Variants in THSD4 observed in about 807,000 individuals in gnomAD.
THSD4 encodes the protein thrombospondin type 1 domain containing 4, also known as thrombospondin type-1 domain-containing protein 4.
In THSD4, 69 loss-of-function variants were observed where a neutral mutation model predicts 119.0. The ratio of observed to expected loss-of-function variants is 0.58; its 90% CI spans 0.48 to 0.71. The LOEUF is 0.71. Among genes scored for constraint, THSD4 ranks in the 30% least tolerant of loss-of-function variants. THSD4 has a pLI of 0.00. For synonymous variants in THSD4, 524 were observed against 540.4 expected (o/e 0.97, Z 0.42); for missense variants, 1,393 against 1,391.1 (o/e 1.00, Z -0.02).
chr15:71,425,860 C>A (rs959373547), intron 7 of THSD4, among the ~76,000 whole-genome samples: 4 of 152,156 alleles, frequency 2.6e-5, no homozygotes, highest in African/African-American at 9.7e-5. Flanking sequence ...GGAGATGAAG[C>A]CCCCTTGGCC....
At chr15:71,691,490 G>A (rs974989696) in intron 8 of THSD4, among the ~76,000 whole-genome samples, 4 of 152,214 alleles carry the variant, frequency 2.6e-5, no homozygotes, top group African/African-American at 9.7e-5. Flanking sequence ...GAGCACAGAC[G>A]TTGGATCGAG....
At chr15:71,112,032 G>A (rs535029069), upstream of THSD4, 174 of 1,461,416 alleles carry the variant, frequency 1.2e-4, 2 homozygotes, top group South Asian at 1.8e-3. Flanking sequence ...GTCCTGCATT[G>A]CCTTCCTGTA....
At chr15:71,669,335 G>A (rs975469639) in intron 8 of THSD4, among the ~76,000 whole-genome samples, 21 of 151,952 alleles carry the variant, frequency 1.4e-4, no homozygotes, top group Non-Finnish European at 4.4e-5. Flanking sequence ...ACCATTTTTG[G>A]TGATGTCTAT....
At chr15:71,160,855 G>C (rs930911033) in intron 3 of THSD4, among the ~76,000 whole-genome samples, 6 of 150,078 alleles carry the variant, frequency 4.0e-5, no homozygotes, top group African/African-American at 1.2e-4. Flanking sequence ...GGTTTAGTTT[G>C]TTCTTGAGGT....
intron 7 of THSD4, among the ~76,000 whole-genome samples, chr15:71,598,046 G>C (rs146191486): frequency 6.6e-6 from 1 of 152,046 alleles, no homozygotes; most frequent in Non-Finnish European, 1.5e-5. Context: ...AGGCTTTCAG[G>C]GGAACAAGAA....
At chr15:71,375,396 G>A (rs1349962459) in intron 6 of THSD4, among the ~76,000 whole-genome samples, 4 of 152,120 alleles carry the variant, frequency 2.6e-5, no homozygotes, top group Non-Finnish European at 5.9e-5. Context: ...TGGATGCTCT[G>A]GTTCTGTGTT....
intron 3 of THSD4, among the ~76,000 whole-genome samples, chr15:71,188,614 G>T (rs1360689122): frequency 6.6e-6 from 1 of 152,100 alleles, no homozygotes; most frequent in Non-Finnish European, 1.5e-5. Context: ...CATGCTGCCT[G>T]CCCCTCTCCC....
intron 7 of THSD4, among the ~76,000 whole-genome samples, chr15:71,494,566 C>T (rs7181587): frequency 0.23 from 34,658 of 151,126 alleles, 4,174 homozygotes; most frequent in African/African-American, 0.29. Flanking sequence ...CGCCACCACA[C>T]GATGGACCCC....
chr15:71,138,799 C>T (rs1296419845), intron 1 of THSD4, among the ~76,000 whole-genome samples: 26 of 151,960 alleles, frequency 1.7e-4, no homozygotes, highest in Admixed American at 1.7e-3. Flanking sequence ...TATTTTTATA[C>T]TTATTTATGA....
At chr15:71,592,517 A>T (rs992292320) in intron 7 of THSD4, among the ~76,000 whole-genome samples, 2 of 152,126 alleles carry the variant, frequency 1.3e-5, no homozygotes, top group South Asian at 2.1e-4. Flanking sequence ...CCTCCTGGGT[A>T]GTTGGGTTCT....
At chr15:71,647,439 C>T (rs2050992710) in intron 7 of THSD4, among the ~76,000 whole-genome samples, 1 of 152,136 alleles carries the variant, frequency 6.6e-6, no homozygotes, top group Non-Finnish European at 1.5e-5. Context: ...AACATTTCAG[C>T]CAAATTTCTT....
At chr15:71,567,141 G>A (rs748803714) in intron 7 of THSD4, among the ~76,000 whole-genome samples, 4 of 152,128 alleles carry the variant, frequency 2.6e-5, no homozygotes, top group African/African-American at 4.8e-5. Flanking sequence ...AACTGCCCTC[G>A]ACTGTACTGG....
At chr15:71,675,351 T>C (rs1205295035) in intron 8 of THSD4, among the ~76,000 whole-genome samples, 1 of 152,234 alleles carries the variant, frequency 6.6e-6, no homozygotes, top group Non-Finnish European at 1.5e-5. Flanking sequence ...GGTACTTAAA[T>C]ATATTTTACT....
At chr15:71,524,385 G>T (rs1204223968) in intron 7 of THSD4, among the ~76,000 whole-genome samples, 1 of 152,142 alleles carries the variant, frequency 6.6e-6, no homozygotes, top group Non-Finnish European at 1.5e-5. Flanking sequence ...AGAAGCTGTT[G>T]CTTTAGAGCA....
upstream of THSD4, chr15:71,112,274 A>G (rs2040311174): frequency 1.3e-6 from 2 of 1,542,914 alleles, no homozygotes; most frequent in Non-Finnish European, 8.7e-7. Flanking sequence ...AGGATGTCGT[A>G]TGCATCATTT....
At chr15:71,705,411 A>C (rs899411127) in intron 8 of THSD4, among the ~76,000 whole-genome samples, 1 of 152,236 alleles carries the variant, frequency 6.6e-6, no homozygotes, top group African/African-American at 2.4e-5. Context: ...TCTATTGTTA[A>C]TGAAGTATTG....
intron 7 of THSD4, among the ~76,000 whole-genome samples, chr15:71,431,125 G>C (rs972364137): frequency 3.3e-5 from 5 of 152,180 alleles, no homozygotes; most frequent in African/African-American, 1.2e-4. Flanking sequence ...ATACCCAATT[G>C]CTGTAAACTT....
intron 8 of THSD4, among the ~76,000 whole-genome samples, chr15:71,685,597 C>G (rs1448583155): frequency 6.6e-6 from 1 of 152,048 alleles, no homozygotes; most frequent in Non-Finnish European, 1.5e-5. Context: ...ATCTGCTTCT[C>G]CAATCTATTG....
chr15:71,442,019 C>T (rs1012962476), intron 7 of THSD4, among the ~76,000 whole-genome samples: 4 of 152,030 alleles, frequency 2.6e-5, no homozygotes, highest in Admixed American at 1.3e-4. Context: ...AGTGAAGTGG[C>T]GCCATCTTGG....
Sources: gnomAD v4.1 joint callset for allele counts (sites outside exome capture counted in the v4.1 genomes callset) on GRCh38, gnomAD v4.1.1 for gene constraint, MANE v1.5 for transcripts, NCBI Gene and HGNC (gene_info 2026-07-23, HGNC 2026-07-21) for gene names.